SLIT3: variants seen among roughly 807,000 people sequenced by gnomAD.
The protein encoded by SLIT3 is slit guidance ligand 3.
In SLIT3, 68 loss-of-function variants were observed where a neutral mutation model predicts 184.0. That is an observed-to-expected ratio of 0.37 (90% CI 0.30 to 0.45). The LOEUF is 0.45. Among genes scored for constraint, SLIT3 ranks in the 20% least tolerant of loss-of-function variants. The probability of loss-of-function intolerance (pLI) is 1.00; values close to 1 mark genes in which losing one functional copy is unlikely to be tolerated. For missense variants in SLIT3, 1,707 were observed against 2,026.0 expected (o/e 0.84, Z 3.02); for synonymous variants, 831 against 828.6 (o/e 1.00, Z -0.05).
intron 4 of SLIT3, among the ~76,000 whole-genome samples, chr5:169,191,877 C>T (rs922863845): frequency 2.0e-5 from 3 of 152,188 alleles, no homozygotes; most frequent in African/African-American, 7.2e-5. Flanking sequence ...GATGCTCAGA[C>T]CCCACCCACA....
In SLIT3 at chr5:168,877,449, T is replaced by A. The variant is rs552883972; in HGVS notation, c.485+5816A>T. 2.4e-4 allele frequency among the ~76,000 whole-genome samples: 37 copies of A among 152,306 alleles called. 1 individual carries two copies. The South Asian group carries it at 7.7e-3, about 32-fold the overall frequency. ...AGAGCACCCAGTTCACGTACAGCCT[T>A]GCAGGACAAGACCAGGAGTGTGGAC... On this transcript the variant is annotated intron_variant, in intron 5 of 35. Coordinates refer to ENST00000519560, the MANE Select transcript of SLIT3 (RefSeq NM_003062.4).
intron 14 of SLIT3, 75 bp downstream of exon 14, chr5:168,772,706 G>C (rs1173983420): frequency 6.5e-7 from 1 of 1,538,604 alleles, no homozygotes; most frequent in Non-Finnish European, 9.0e-7. Flanking sequence ...CTGTCCTCCA[G>C]ATTGGATTAT....
In SLIT3 at chr5:168,748,395, G is replaced by C. The variant is rs1225877869; in HGVS notation, c.2177C>G (p.Pro726Arg). Residue 726 changes from proline to arginine, a missense_variant, in exon 20 of 36, where the codon CCG (proline) becomes CGG (arginine). Pro to Arg is a moderately radical substitution (Grantham distance 103). Around this residue, in one of 3 missense-constraint regions of SLIT3, gnomAD observed 1,307 missense variants for 1,511.6 expected, o/e 0.86. Coordinates refer to ENST00000519560, the MANE Select transcript of SLIT3 (RefSeq NM_003062.4). ...TGTCTCCATACAGGTGCACTGCTCC[G>C]GGCAGCGCGGGCTCAGCTGGCAGCT... ...ESSCQLSPRC[P>R]EQCTCMETVV... 6.6e-6 allele frequency: 10 copies of C among 1,521,452 alleles called. No individual in the cohort carries two copies. Among genetic ancestry groups the C allele is most frequent in the African/African-American group, 1.5e-5 (1 of 68,456 alleles). The allele number at this position is 1,521,452 out of a possible 1,614,324, so 94.2% of individuals were successfully genotyped here. A position where few individuals can be genotyped will look rare whatever the true frequency, so the allele number is the denominator to read the frequency against.
intron 4 of SLIT3, among the ~76,000 whole-genome samples, chr5:169,131,771 C>T (rs551222197): frequency 3.3e-5 from 5 of 152,336 alleles, no homozygotes; most frequent in Non-Finnish European, 7.3e-5. Context: ...CCTTGCCTTC[C>T]TCTACAATTG....
chr5:169,059,236 T>C (rs573357819), intron 4 of SLIT3, among the ~76,000 whole-genome samples: 2 of 152,184 alleles, frequency 1.3e-5, no homozygotes, highest in South Asian at 4.2e-4. Flanking sequence ...AGAGATTCTA[T>C]GGAAGACACC....
chr5:169,298,756 A>G (rs1561793464), intron 1 of SLIT3, among the ~76,000 whole-genome samples: 1 of 152,346 alleles, frequency 6.6e-6, no homozygotes, highest in East Asian at 1.9e-4. Context: ...ACACTTCACT[A>G]GCTGCACGAC....
intron 4 of SLIT3, among the ~76,000 whole-genome samples, chr5:168,973,724 A>T (rs1754659458): frequency 6.6e-6 from 1 of 152,156 alleles, no homozygotes; most frequent in Non-Finnish European, 1.5e-5. Flanking sequence ...CCTTAGCCAC[A>T]AACTCCTATA....
At chr5:168,922,314 G>A (rs899900318) in intron 4 of SLIT3, among the ~76,000 whole-genome samples, 33 of 151,822 alleles carry the variant, frequency 2.2e-4, no homozygotes, top group Admixed American at 6.6e-4. Context: ...AAAATTAGCC[G>A]GGCATGGTGG....
intron 4 of SLIT3, among the ~76,000 whole-genome samples, chr5:168,951,097 G>A (rs897731394): frequency 2.0e-5 from 3 of 152,216 alleles, no homozygotes; most frequent in Non-Finnish European, 1.5e-5. Context: ...ACAGCTGCCT[G>A]TAATCCCGGC....
chr5:169,208,573 G>A (rs1446005425), intron 3 of SLIT3, among the ~76,000 whole-genome samples: 2 of 151,944 alleles, frequency 1.3e-5, no homozygotes, highest in Admixed American at 6.6e-5. Context: ...CATGGTACTG[G>A]TACCAAAACA....
At chr5:169,268,827 CAATT>C (rs763569759) in intron 1 of SLIT3, among the ~76,000 whole-genome samples, 19 of 152,174 alleles carry the variant, frequency 1.2e-4, no homozygotes, top group Non-Finnish European at 2.6e-4. Flanking sequence ...ATAAAAATAA[CAATT>C]AATAATGGTT....
chr5:168,903,397 C>T (rs1291356513), intron 4 of SLIT3, among the ~76,000 whole-genome samples: 1 of 152,168 alleles, frequency 6.6e-6, no homozygotes, highest in Admixed American at 6.5e-5. Flanking sequence ...GTTATTTTGG[C>T]ATTTTCTGAT....
At chr5:169,200,899 T>G (rs1318961672) in intron 3 of SLIT3, among the ~76,000 whole-genome samples, 1 of 152,236 alleles carries the variant, frequency 6.6e-6, no homozygotes, top group Non-Finnish European at 1.5e-5. Context: ...TATACCAGTG[T>G]CATGATCAGG....
chr5:168,941,223 C>T (rs191856163), intron 4 of SLIT3, among the ~76,000 whole-genome samples: 62 of 152,228 alleles, frequency 4.1e-4, no homozygotes, highest in African/African-American at 1.4e-3. Flanking sequence ...GTCTACCCAG[C>T]GTCCTATTGA....
intron 4 of SLIT3, among the ~76,000 whole-genome samples, chr5:169,123,557 A>C (rs961645738): frequency 6.6e-6 from 1 of 152,236 alleles, no homozygotes; most frequent in African/African-American, 2.4e-5. Flanking sequence ...TGCAAAAATA[A>C]AGTTGAACGA....
chr5:169,198,293 T>C (rs1375501795), intron 3 of SLIT3, among the ~76,000 whole-genome samples: 1 of 152,216 alleles, frequency 6.6e-6, no homozygotes, highest in African/African-American at 2.4e-5. Context: ...AACCCAGTCC[T>C]TGTTAAAAGA....
At chr5:169,044,092 C>A (rs1183990382) in intron 4 of SLIT3, among the ~76,000 whole-genome samples, 1 of 152,158 alleles carries the variant, frequency 6.6e-6, no homozygotes, top group African/African-American at 2.4e-5. Flanking sequence ...AAGGGCACCA[C>A]CTCACACCCA....
At chr5:168,824,350 C>G (rs1193202718) in intron 6 of SLIT3, among the ~76,000 whole-genome samples, 1 of 152,172 alleles carries the variant, frequency 6.6e-6, no homozygotes, top group Non-Finnish European at 1.5e-5. Context: ...CTGACAGGTA[C>G]TTTTGTGCAG....
intron 9 of SLIT3, among the ~76,000 whole-genome samples, chr5:168,796,090 G>A (rs1383108561): frequency 6.6e-6 from 1 of 152,182 alleles, no homozygotes; most frequent in African/African-American, 2.4e-5. Context: ...TTTTAATACA[G>A]TGCAGGAACA....
Sources: allele counts gnomAD v4.1 joint callset (sites outside exome capture counted in the v4.1 genomes callset), GRCh38; gene constraint gnomAD v4.1.1; regional missense constraint gnomAD v4.1.1; transcripts MANE v1.5; gene names NCBI Gene and HGNC (gene_info 2026-07-23, HGNC 2026-07-21).